The following NRXN1 variants were observed in gnomAD, a reference collection of about 807,000 sequenced individuals.
NRXN1 encodes the protein neurexin-1.
Under a neutral mutation model 150.9 loss-of-function variants are expected in NRXN1, and 39 were observed. The observed-to-expected ratio is 0.26, with a 90% CI of 0.20 to 0.34. The LOEUF (loss-of-function observed/expected upper bound fraction) is 0.34. Ranked by LOEUF, NRXN1 falls within the 10% of genes least tolerant of loss-of-function variation. The pLI, the probability that NRXN1 is intolerant of heterozygous loss-of-function variation, is 1.00. For missense variants in NRXN1, 1,815 were observed against 1,949.9 expected (o/e 0.93, Z 1.30); for synonymous variants, 924 against 757.0 (o/e 1.22, Z -3.62).
At chr2:50,451,738 G>A (rs1470845638) in intron 17 of NRXN1, among the ~76,000 whole-genome samples, 2 of 152,158 alleles carry the variant, frequency 1.3e-5, no homozygotes, top group African/African-American at 4.8e-5. Flanking sequence ...AATTTGAAAT[G>A]AGTTCTAATT....
At chr2:50,126,100 C>T (rs1204922718) in intron 18 of NRXN1, among the ~76,000 whole-genome samples, 1 of 152,082 alleles carries the variant, frequency 6.6e-6, no homozygotes, top group Non-Finnish European at 1.5e-5. Context: ...CATTTTGGCA[C>T]CAGGACTGAA....
At chr2:50,608,708 T>C (rs1213092820) in intron 8 of NRXN1, among the ~76,000 whole-genome samples, 4 of 152,060 alleles carry the variant, frequency 2.6e-5, no homozygotes, top group Admixed American at 6.6e-5. Flanking sequence ...GGGAAGAAAA[T>C]GTTACTGAAT....
intron 5 of NRXN1, among the ~76,000 whole-genome samples, chr2:50,728,526 T>A (rs1697678755): frequency 6.6e-6 from 1 of 152,174 alleles, no homozygotes; most frequent in African/African-American, 2.4e-5. Context: ...CTTGAAATAA[T>A]GTTTTGACAT....
rs200044811 is a variant in NRXN1, at chr2:50,053,480, C to T, written c.3919G>A (p.Val1307Ile). ...LSGLYYNGLK[V>I]LNMAAENDAN... ...TCGTTTTCGGCTGCCATATTCAGAACTTTCAAGCCATTGTAGTACAGCCCA... is the reference window on the plus strand; with the variant it reads ...TCGTTTTCGGCTGCCATATTCAGAATTTTCAAGCCATTGTAGTACAGCCCA... Residue 1307 changes from valine (V) to isoleucine (I), a missense_variant, in exon 21 of 23, where the codon GTT (valine) becomes ATT (isoleucine). By Grantham distance (29) the Val-to-Ile change is conservative. This residue lies in a region of NRXN1 where 265 missense variants were observed against 307.1 expected (regional missense o/e 0.86). Coordinates refer to ENST00000401669, the MANE Select transcript of NRXN1 (RefSeq NM_001330078.2). 16 of 1,613,916 alleles carry T rather than the reference C, an allele frequency of 9.9e-6. No homozygotes were observed. In the Admixed American group the frequency reaches 2.7e-4, roughly 27 times the overall value.
chr2:50,382,857 C>A (rs998329920), intron 17 of NRXN1, among the ~76,000 whole-genome samples: 4 of 152,164 alleles, frequency 2.6e-5, no homozygotes, highest in African/African-American at 9.7e-5. Context: ...GCCCTGAAGA[C>A]CAGGCTAACT....
chr2:50,164,466 A>C (rs1355138338), intron 18 of NRXN1, among the ~76,000 whole-genome samples: 1 of 152,186 alleles, frequency 6.6e-6, no homozygotes, highest in Non-Finnish European at 1.5e-5. Context: ...AGTTATCTAA[A>C]ATGATAGCAT....
At chr2:50,047,356 A>T (rs574137069) in intron 21 of NRXN1, among the ~76,000 whole-genome samples, 14 of 151,936 alleles carry the variant, frequency 9.2e-5, no homozygotes, top group Admixed American at 8.5e-4. Context: ...ACACATATAT[A>T]TATGTTCTGC....
At chr2:50,004,864 G>C (rs925375471) in intron 21 of NRXN1, among the ~76,000 whole-genome samples, 4 of 152,048 alleles carry the variant, frequency 2.6e-5, no homozygotes, top group Non-Finnish European at 5.9e-5. Flanking sequence ...ACTTTTTCAG[G>C]AAAGACAAAC....
At chr2:50,613,724 G>A (rs1011993939) in intron 8 of NRXN1, among the ~76,000 whole-genome samples, 1 of 152,156 alleles carries the variant, frequency 6.6e-6, no homozygotes, top group East Asian at 1.9e-4. Context: ...GGATCACAAG[G>A]TCAGGACATC....
intron 15 of NRXN1, among the ~76,000 whole-genome samples, chr2:50,475,053 G>A (rs2089878973): frequency 6.6e-6 from 1 of 151,932 alleles, no homozygotes; most frequent in Admixed American, 6.6e-5. Context: ...AATTTGACAT[G>A]ACAAATAGCA....
intron 17 of NRXN1, among the ~76,000 whole-genome samples, chr2:50,263,923 T>C (rs1437083384): frequency 6.6e-6 from 1 of 152,156 alleles, no homozygotes; most frequent in Non-Finnish European, 1.5e-5. Context: ...GGAGATCATT[T>C]AGCAAGTGAC....
chr2:51,015,097 G>A (rs760409858), intron 2 of NRXN1, among the ~76,000 whole-genome samples: 1 of 152,012 alleles, frequency 6.6e-6, no homozygotes, highest in Non-Finnish European at 1.5e-5. Context: ...CTAACCAGAT[G>A]TGTGATTTTT....
At chr2:50,653,812 C>G (rs190012084) in intron 5 of NRXN1, among the ~76,000 whole-genome samples, 218 of 152,038 alleles carry the variant, frequency 1.4e-3, no homozygotes, top group African/African-American at 5.2e-3. Flanking sequence ...GTAGGATTCA[C>G]TAAGCTGCGG....
chr2:50,378,678 G>A (rs2080710300), intron 17 of NRXN1, among the ~76,000 whole-genome samples: 1 of 152,134 alleles, frequency 6.6e-6, no homozygotes, highest in South Asian at 2.1e-4. Context: ...TAAACAGTAA[G>A]AGGGAGAAAT....
chr2:50,458,310 G>A (rs539014554), intron 17 of NRXN1, among the ~76,000 whole-genome samples: 1 of 152,232 alleles, frequency 6.6e-6, no homozygotes, highest in African/African-American at 2.4e-5. Flanking sequence ...AGAGGATGAA[G>A]AGGGGTTGGT....
chr2:50,665,548 C>T (rs567097209), intron 5 of NRXN1, among the ~76,000 whole-genome samples: 10 of 152,068 alleles, frequency 6.6e-5, no homozygotes, highest in African/African-American at 2.2e-4. Context: ...ACGCAAAATG[C>T]TCACCACTTG....
At chr2:50,507,374 GA>G (rs761905648) in intron 12 of NRXN1, among the ~76,000 whole-genome samples, 1,436 of 132,776 alleles carry the variant, frequency 0.011, 18 homozygotes, top group African/African-American at 0.032. Context: ...GAAAAGGAAA[GA>G]AAAAAAAAAA....
chr2:50,659,812 A>G (rs1574002247), intron 5 of NRXN1, among the ~76,000 whole-genome samples: 1 of 151,534 alleles, frequency 6.6e-6, no homozygotes. Flanking sequence ...CTTGATTAAC[A>G]TTTCACAATA....
In NRXN1 at chr2:50,322,486, A is replaced by C. The variant is rs948679257; in HGVS notation, c.3365-85516T>G. On this transcript the variant is annotated intron_variant, in intron 17 of 22. Transcript: ENST00000401669. Reference sequence around the variant, plus strand: ...CATTTTAAACAAGGAATTGACAACAATGATTTCTTAGACAAGGAATTTTTC... The same window carrying C: ...CATTTTAAACAAGGAATTGACAACACTGATTTCTTAGACAAGGAATTTTTC... 1.5e-4 allele frequency among the ~76,000 whole-genome samples: 23 copies of C among 152,186 alleles called. 1 individual carries two copies. Among genetic ancestry groups the C allele is most frequent in the Admixed American group, 1.5e-3 (23 of 15,276 alleles).
Sources: gnomAD v4.1 joint callset for allele counts (sites outside exome capture counted in the v4.1 genomes callset) on GRCh38, gnomAD v4.1.1 for gene constraint, gnomAD v4.1.1 regional missense constraint, MANE v1.5 for transcripts, NCBI Gene and HGNC (gene_info 2026-07-23, HGNC 2026-07-21) for gene names.